The following ZCCHC7 variants were observed in gnomAD, a reference collection of about 807,000 sequenced individuals.
ZCCHC7 encodes the protein zinc finger CCHC-type containing 7.
Under a neutral mutation model 52.0 loss-of-function variants are expected in ZCCHC7, and 35 were observed. The ratio of observed to expected loss-of-function variants is 0.67; its 90% confidence interval spans 0.51 to 0.89. The LOEUF is 0.89. Ranked by LOEUF, ZCCHC7 falls within the 40% of genes least tolerant of loss-of-function variation. ZCCHC7 has a pLI of 0.00. For synonymous variants in ZCCHC7, 217 were observed against 221.5 expected (o/e 0.98, Z 0.18); for missense variants, 574 against 649.1 (o/e 0.88, Z 1.26).
chr9:37,124,838 A>G (rs996179170), intron 1 of ZCCHC7, among the ~76,000 whole-genome samples: 16 of 152,342 alleles, frequency 1.1e-4, no homozygotes, highest in Admixed American at 7.8e-4. Flanking sequence ...TATACATTGT[A>G]AAAATATACA....
intron 2 of ZCCHC7, among the ~76,000 whole-genome samples, chr9:37,254,960 C>T (rs912267019): frequency 6.7e-6 from 1 of 149,042 alleles, no homozygotes; most frequent in African/African-American, 2.5e-5. Context: ...ACATTGCTGC[C>T]ACTGCTGATG....
At chr9:37,307,056 G>A (rs151056404) in intron 5 of ZCCHC7, among the ~76,000 whole-genome samples, 7,663 of 151,718 alleles carry the variant, frequency 0.051, 624 homozygotes, top group African/African-American at 0.17. Flanking sequence ...AAAGTGCTAG[G>A]ATTACAGGTG....
rs145347311 is a variant in ZCCHC7, at chr9:37,265,977, C to G, written c.611-36211C>G. On this transcript the variant is annotated intron_variant, in intron 2 of 8. Coordinates refer to ENST00000336755, the MANE Select transcript of ZCCHC7 (RefSeq NM_032226.3). ...TACCCATCTTCTCTTCCTTCATCCC[C>G]TCCCCAAATCCCTGCATGTTGAATT... 7.2e-5 allele frequency among the ~76,000 whole-genome samples: 11 copies of G among 152,248 alleles called. No homozygotes were observed. In the East Asian group the frequency reaches 2.1e-3, roughly 29 times the overall value.
intron 2 of ZCCHC7, among the ~76,000 whole-genome samples, chr9:37,289,461 A>G (rs1012240581): frequency 6.6e-6 from 1 of 152,032 alleles, no homozygotes; most frequent in Non-Finnish European, 1.5e-5. Flanking sequence ...TTTTACTTTC[A>G]TATCCAGTTC....
chr9:37,323,621 GA>G (rs1052540735), intron 5 of ZCCHC7, among the ~76,000 whole-genome samples: 2 of 152,120 alleles, frequency 1.3e-5, no homozygotes, highest in African/African-American at 4.8e-5. Context: ...TTTTCATGCA[GA>G]ATAGAAGTAT....
chr9:37,300,166 C>T (rs1235870234), intron 2 of ZCCHC7, among the ~76,000 whole-genome samples: 1 of 152,182 alleles, frequency 6.6e-6, no homozygotes, highest in Non-Finnish European at 1.5e-5. Flanking sequence ...TCCTTCAAAC[C>T]TTCCTTTTTT....
intron 2 of ZCCHC7, among the ~76,000 whole-genome samples, chr9:37,148,905 T>G (rs1336946277): frequency 6.6e-6 from 1 of 152,142 alleles, no homozygotes; most frequent in African/African-American, 2.4e-5. Context: ...CACTGTCAGT[T>G]ACCACTATTT....
chr9:37,141,208 G>A (rs1843210502), intron 2 of ZCCHC7, among the ~76,000 whole-genome samples: 1 of 151,872 alleles, frequency 6.6e-6, no homozygotes, highest in East Asian at 1.9e-4. Flanking sequence ...TTCTGCAAGA[G>A]TGCCCATGCT....
chr9:37,331,544 A>G (rs1331532242), intron 6 of ZCCHC7, among the ~76,000 whole-genome samples: 1 of 151,626 alleles, frequency 6.6e-6, no homozygotes, highest in African/African-American at 2.4e-5. Flanking sequence ...TCCAGAAGGA[A>G]GGAATAAGAA....
intron 2 of ZCCHC7, among the ~76,000 whole-genome samples, chr9:37,152,715 A>G (rs1335311681): frequency 6.6e-6 from 1 of 152,250 alleles, no homozygotes; most frequent in Non-Finnish European, 1.5e-5. Flanking sequence ...AAATGCTATC[A>G]GCATGATTTG....
chr9:37,231,933 T>G (rs1367086468), intron 2 of ZCCHC7, among the ~76,000 whole-genome samples: 2 of 152,236 alleles, frequency 1.3e-5, no homozygotes, highest in African/African-American at 4.8e-5. Context: ...TCACTGTTAC[T>G]CCCTTTCTGC....
At chr9:37,249,884 G>C (rs1588549984) in intron 2 of ZCCHC7, among the ~76,000 whole-genome samples, 2 of 152,228 alleles carry the variant, frequency 1.3e-5, no homozygotes, top group East Asian at 3.9e-4. Context: ...TGTAGAGTAT[G>C]GTCCTTCTGG....
At chr9:37,338,587 T>G (rs926913445) in intron 6 of ZCCHC7, among the ~76,000 whole-genome samples, 2 of 152,122 alleles carry the variant, frequency 1.3e-5, no homozygotes, top group African/African-American at 2.4e-5. Flanking sequence ...ATCAAATAAC[T>G]AAAGCAACAC....
chr9:37,177,124 G>A (rs183178718), intron 2 of ZCCHC7, among the ~76,000 whole-genome samples: 4 of 152,176 alleles, frequency 2.6e-5, no homozygotes, highest in East Asian at 3.9e-4. Flanking sequence ...GGCAGATCAC[G>A]AGGTCAGGAG....
At chr9:37,224,922 A>G (rs1277575902) in intron 2 of ZCCHC7, among the ~76,000 whole-genome samples, 3 of 152,192 alleles carry the variant, frequency 2.0e-5, no homozygotes, top group Non-Finnish European at 4.4e-5. Flanking sequence ...AAACATTTAC[A>G]CCTATACATT....
chr9:37,234,065 G>T (rs937437968), intron 2 of ZCCHC7, among the ~76,000 whole-genome samples: 8 of 151,876 alleles, frequency 5.3e-5, no homozygotes, highest in Admixed American at 5.2e-4. Flanking sequence ...TGTTGGCCAG[G>T]GTTTCACTAT....
intron 6 of ZCCHC7, among the ~76,000 whole-genome samples, chr9:37,341,099 G>A (rs901134607): frequency 6.6e-6 from 1 of 152,040 alleles, no homozygotes; most frequent in Non-Finnish European, 1.5e-5. Context: ...TCAAAATCTC[G>A]ATTAAGAAGG....
intron 2 of ZCCHC7, among the ~76,000 whole-genome samples, chr9:37,167,727 T>A (rs1164403357): frequency 6.6e-6 from 1 of 152,210 alleles, no homozygotes; most frequent in Non-Finnish European, 1.5e-5. Flanking sequence ...TTTTGGGCCT[T>A]GCGTTTAAGA....
chr9:37,337,072 T>G, intron 6 of ZCCHC7, among the ~76,000 whole-genome samples: 1 of 152,146 alleles, frequency 6.6e-6, no homozygotes, highest in East Asian at 1.9e-4. Flanking sequence ...AAAGCCTGGC[T>G]GATTAATGAA....
Sources: gnomAD v4.1 joint callset for allele counts (sites outside exome capture counted in the v4.1 genomes callset) on GRCh38, gnomAD v4.1.1 for gene constraint, MANE v1.5 for transcripts, NCBI Gene and HGNC (gene_info 2026-07-23, HGNC 2026-07-21) for gene names.